Variants in SYNPR observed in about 807,000 individuals in gnomAD.
The protein encoded by SYNPR is synaptoporin.
A neutral mutation model predicts 32.9 loss-of-function variants in SYNPR; 23 were observed. The ratio of observed to expected loss-of-function variants is 0.70; its 90% CI spans 0.50 to 0.99. The LOEUF is 0.99. SYNPR is among the 50% of genes least tolerant of loss of function. The pLI is 0.00. For synonymous variants in SYNPR, 146 were observed against 135.9 expected (o/e 1.07, Z -0.52); for missense variants, 318 against 349.3 (o/e 0.91, Z 0.71).
At chr3:63,237,621 TACTGTGA>T (rs1272087617) in intron 1 of SYNPR, among the ~76,000 whole-genome samples, 1 of 152,186 alleles carries the variant, frequency 6.6e-6, no homozygotes, top group African/African-American at 2.4e-5. Context: ...CTTTCAATCC[TACTGTGA>T]ACATTTTGTC....
intron 2 of SYNPR, among the ~76,000 whole-genome samples, chr3:63,331,852 T>C (rs1462713950): frequency 1.3e-5 from 2 of 152,188 alleles, no homozygotes; most frequent in African/African-American, 4.8e-5. Context: ...TACTGAGTTT[T>C]AATGTGCCAG....
intron 2 of SYNPR, among the ~76,000 whole-genome samples, chr3:63,401,585 G>C (rs2088293788): frequency 6.6e-6 from 1 of 152,142 alleles, no homozygotes; most frequent in Non-Finnish European, 1.5e-5. Context: ...GGTCTGTGCA[G>C]TTTTGAATGG....
chr3:63,251,771 GACA>G (rs2086333476), intron 1 of SYNPR, among the ~76,000 whole-genome samples: 1 of 151,874 alleles, frequency 6.6e-6, no homozygotes, highest in Non-Finnish European at 1.5e-5. Context: ...TGCTTGGAAA[GACA>G]ACAACCAAGG....
chr3:63,482,254 C>T (rs573641550), intron 3 of SYNPR, among the ~76,000 whole-genome samples: 12 of 152,252 alleles, frequency 7.9e-5, no homozygotes, highest in African/African-American at 2.9e-4. Flanking sequence ...CAGTGAAAGG[C>T]AACTAGAGAA....
At chr3:63,230,318 C>A (rs904956034) in intron 1 of SYNPR, among the ~76,000 whole-genome samples, 2 of 152,122 alleles carry the variant, frequency 1.3e-5, no homozygotes, top group Non-Finnish European at 2.9e-5. Flanking sequence ...TACAGAGATT[C>A]TGAAGGAAGG....
At chr3:63,479,873 A>G (rs1290187467) in intron 2 of SYNPR, among the ~76,000 whole-genome samples, 1 of 152,196 alleles carries the variant, frequency 6.6e-6, no homozygotes, top group Non-Finnish European at 1.5e-5. Flanking sequence ...TCCTCTCACT[A>G]TGCAAAATGA....
chr3:63,240,057 A>G (rs2086229894), intron 1 of SYNPR, among the ~76,000 whole-genome samples: 1 of 152,084 alleles, frequency 6.6e-6, no homozygotes, highest in Non-Finnish European at 1.5e-5. Context: ...GAGACAGGGG[A>G]GGTTATTTGA....
chr3:63,506,120 T>C (rs1350872608), intron 3 of SYNPR, among the ~76,000 whole-genome samples: 1 of 151,836 alleles, frequency 6.6e-6, no homozygotes, highest in African/African-American at 2.4e-5. Flanking sequence ...CTTTTTTCCT[T>C]CTCTCTCTCC....
intron 2 of SYNPR, among the ~76,000 whole-genome samples, chr3:63,471,808 C>T (rs1197274411): frequency 1.3e-5 from 2 of 152,080 alleles, no homozygotes; most frequent in Admixed American, 6.5e-5. Flanking sequence ...GACATCAAAG[C>T]AGGGAGGAGG....
At chr3:63,505,969 G>A (rs377499792) in intron 3 of SYNPR, among the ~76,000 whole-genome samples, 71 of 152,056 alleles carry the variant, frequency 4.7e-4, no homozygotes, top group East Asian at 2.1e-3. Context: ...TCTACCCGCC[G>A]ATAAATAGCT....
chr3:63,360,018 A>G (rs1425610663), intron 2 of SYNPR, among the ~76,000 whole-genome samples: 1 of 152,182 alleles, frequency 6.6e-6, no homozygotes, highest in Non-Finnish European at 1.5e-5. Context: ...TCAAACATAC[A>G]TCACAGCCAC....
intron 2 of SYNPR, among the ~76,000 whole-genome samples, chr3:63,452,788 C>A (rs967936841): frequency 6.6e-6 from 1 of 152,090 alleles, no homozygotes; most frequent in South Asian, 2.1e-4. Flanking sequence ...AGGCTCTCAC[C>A]CATTATGTTA....
At position 63,324,852 on chromosome 3, in the gene SYNPR, G is replaced by A. The variant is rs536054347; in HGVS notation, c.84+46110G>A. 1.1e-4 allele frequency among the ~76,000 whole-genome samples: 16 copies of A among 151,940 alleles called. No individual in the cohort carries two copies. In the South Asian group the frequency reaches 3.1e-3, roughly 30 times the overall value. On this transcript the variant is annotated intron_variant, in intron 2 of 5. Coordinates refer to ENST00000478300, the MANE Select transcript of SYNPR (RefSeq NM_001130003.2). Reference sequence around the variant, plus strand: ...AATTAGCCTGGCCAGATGGTGACGGGTAACTGACTGTTCTACACGGACCTC... The same window carrying A: ...AATTAGCCTGGCCAGATGGTGACGGATAACTGACTGTTCTACACGGACCTC...
intron 2 of SYNPR, among the ~76,000 whole-genome samples, chr3:63,447,301 A>G (rs1290896021): frequency 6.6e-6 from 1 of 152,180 alleles, no homozygotes; most frequent in African/African-American, 2.4e-5. Context: ...TGCTTTCTTC[A>G]GAGGGGTGAC....
chr3:63,325,620 T>C (rs546484862), intron 2 of SYNPR, among the ~76,000 whole-genome samples: 8 of 152,112 alleles, frequency 5.3e-5, no homozygotes, highest in Non-Finnish European at 1.2e-4. Context: ...CAGTGTAAAT[T>C]CATTTAGTCA....
upstream of SYNPR, chr3:63,278,205 G>A: frequency 3.7e-6 from 1 of 272,402 alleles, no homozygotes; most frequent in Non-Finnish European, 6.9e-6. Flanking sequence ...CCACCTCCTC[G>A]CCCTCCCCTC....
chr3:63,515,171 C>G (rs965986036), intron 3 of SYNPR, among the ~76,000 whole-genome samples: 2 of 152,014 alleles, frequency 1.3e-5, no homozygotes, highest in East Asian at 3.9e-4. Context: ...CCCATCTTTT[C>G]AATTTATGCT....
intron 2 of SYNPR, among the ~76,000 whole-genome samples, chr3:63,470,513 T>C (rs1255839124): frequency 6.6e-6 from 1 of 152,232 alleles, no homozygotes; most frequent in Non-Finnish European, 1.5e-5. Context: ...GCTCATTGCA[T>C]AAAGGCACAG....
chr3:63,313,128 T>A (rs1194109160), intron 2 of SYNPR, among the ~76,000 whole-genome samples: 2 of 152,054 alleles, frequency 1.3e-5, no homozygotes, highest in African/African-American at 4.8e-5. Context: ...TCCCAGATAC[T>A]GATACCATTT....
Sources: gnomAD v4.1 joint callset for allele counts (sites outside exome capture counted in the v4.1 genomes callset) on GRCh38, gnomAD v4.1.1 for gene constraint, MANE v1.5 for transcripts, NCBI Gene and HGNC (gene_info 2026-07-23, HGNC 2026-07-21) for gene names.